Variants in JADE1 observed in about 807,000 individuals in gnomAD.
JADE1 encodes protein Jade-1.
In JADE1, 14 loss-of-function variants were observed where a neutral mutation model predicts 81.8. The ratio of observed to expected loss-of-function variants is 0.17; its 90% CI spans 0.11 to 0.27. The LOEUF is 0.27. Among genes scored for constraint, JADE1 ranks in the 10% least tolerant of loss-of-function variants. JADE1 has a pLI of 1.00. For missense variants in JADE1, 690 were observed against 1,047.9 expected (o/e 0.66, Z 4.71); for synonymous variants, 353 against 391.9 (o/e 0.90, Z 1.17).
intron 5 of JADE1, 31 bp from the exon 6 acceptor site, chr4:128,852,026 A>AAAATGGGT: frequency 7.1e-7 from 1 of 1,413,004 alleles, no homozygotes; most frequent in Non-Finnish European, 1.0e-6. Flanking sequence ...TGGATTTATT[A>AAAATGGGT]AAATGGGTTT....
At chr4:128,859,173 TGTGTGTGTGTATGCATGTGTGA>T (rs1731061083) in intron 8 of JADE1, among the ~76,000 whole-genome samples, 2 of 151,290 alleles carry the variant, frequency 1.3e-5, no homozygotes, top group Admixed American at 6.6e-5. Context: ...TGAACTTGAG[TGTGTGTGTGTATGCATGTGTGA>T]GTGTGTGTGT....
chr4:128,831,975 GTAACCAGATCT>G (rs1001335826), intron 2 of JADE1, among the ~76,000 whole-genome samples, 165 bp downstream of exon 2: 1 of 152,240 alleles, frequency 6.6e-6, no homozygotes, highest in African/African-American at 2.4e-5. Context: ...CTGCAGGTCT[GTAACCAGATCT>G]TACTGGGTAA....
intron 6 of JADE1, among the ~76,000 whole-genome samples, 160 bp from the exon 7 acceptor site, chr4:128,855,470 C>G (rs528459031): frequency 6.6e-6 from 1 of 152,236 alleles, no homozygotes; most frequent in Non-Finnish European, 1.5e-5. Context: ...GGGCATTTTC[C>G]CGAGGGGAGA....
At chr4:128,829,427 C>T (rs1312341744) in intron 1 of JADE1, among the ~76,000 whole-genome samples, 1 of 152,058 alleles carries the variant, frequency 6.6e-6, no homozygotes, top group Non-Finnish European at 1.5e-5. Context: ...AATTGATAAA[C>T]AAAAACTTTA....
At chr4:128,847,672 G>A (rs1729982555) in intron 4 of JADE1, among the ~76,000 whole-genome samples, 1 of 152,240 alleles carries the variant, frequency 6.6e-6, no homozygotes, top group Non-Finnish European at 1.5e-5. Flanking sequence ...ACAGAAGTGA[G>A]CATTAATACA....
At chr4:128,832,178 A>G (rs1330591678) in intron 2 of JADE1, among the ~76,000 whole-genome samples, 1 of 152,210 alleles carries the variant, frequency 6.6e-6, no homozygotes, top group Non-Finnish European at 1.5e-5. Flanking sequence ...TCAACTCAAT[A>G]CAAGGGGAGG....
At chr4:128,836,081 A>G (rs970478024) in intron 2 of JADE1, among the ~76,000 whole-genome samples, 1 of 152,192 alleles carries the variant, frequency 6.6e-6, no homozygotes, top group African/African-American at 2.4e-5. Context: ...GAGCATGGCC[A>G]AGGGAAACAA....
At chr4:128,854,431 C>G (rs567383051) in intron 6 of JADE1, among the ~76,000 whole-genome samples, 39 of 152,264 alleles carry the variant, frequency 2.6e-4, no homozygotes, top group African/African-American at 9.1e-4. Flanking sequence ...ATGTCTGATA[C>G]AGACCTTTAG....
intron 9 of JADE1, chr4:128,864,433 C>G: frequency 1.0e-6 from 1 of 985,192 alleles, no homozygotes; most frequent in Non-Finnish European, 1.2e-6. Context: ...CCACTGTACC[C>G]AGCCTTAGAC....
At chr4:128,822,028 C>T (rs574366126) in intron 1 of JADE1, among the ~76,000 whole-genome samples, 5 of 152,058 alleles carry the variant, frequency 3.3e-5, no homozygotes, top group African/African-American at 7.2e-5. Flanking sequence ...TTTTCTTCTG[C>T]ACCTTTGCAT....
At chr4:128,810,765 G>A (rs1726278777) in intron 1 of JADE1, among the ~76,000 whole-genome samples, 1 of 151,554 alleles carries the variant, frequency 6.6e-6, no homozygotes, top group South Asian at 2.1e-4. Context: ...GGACAGTTTG[G>A]CAATTAGATT....
At chr4:128,828,714 G>GTTGAA (rs1342665584) in intron 1 of JADE1, among the ~76,000 whole-genome samples, 1 of 152,212 alleles carries the variant, frequency 6.6e-6, no homozygotes, top group Non-Finnish European at 1.5e-5. Context: ...TTTAGTGACT[G>GTTGAA]TTGAAGTGCT....
chr4:128,819,286 T>TG (rs1560724399), intron 1 of JADE1, among the ~76,000 whole-genome samples: 4 of 133,234 alleles, frequency 3.0e-5, no homozygotes, highest in African/African-American at 8.1e-5. Context: ...GGTTTTTTTT[T>TG]TGGGGGGCAG....
intron 5 of JADE1, among the ~76,000 whole-genome samples, chr4:128,851,310 G>A (rs984403142): frequency 6.6e-6 from 1 of 152,142 alleles, no homozygotes; most frequent in African/African-American, 2.4e-5. Flanking sequence ...AAATATTTGA[G>A]TGCCCAAAGT....
intron 1 of JADE1, chr4:128,827,875 A>C (rs1205968730): frequency 3.0e-6 from 3 of 985,310 alleles, no homozygotes; most frequent in Non-Finnish European, 3.6e-6. Context: ...TGAAGATGCT[A>C]CCCAGAGTAA....
intron 1 of JADE1, among the ~76,000 whole-genome samples, chr4:128,830,981 C>T (rs1049423781): frequency 2.0e-5 from 3 of 152,212 alleles, no homozygotes; most frequent in East Asian, 1.9e-4. Flanking sequence ...GGATTTGGGT[C>T]TATTTGTCCT....
At position 128,831,507 on chromosome 4, in the gene JADE1, C is replaced by T. The variant is rs181303729; in HGVS notation, c.-26-226C>T. 372 of 528,714 alleles carry T rather than the reference C, an allele frequency of 7.0e-4. 1 individual carries two copies. The highest frequency in any genetic ancestry group is 6.4e-3 in the African/African-American group (335 of 51,992). The allele number at this position is 528,714 out of a possible 1,614,324, so 32.8% of individuals were successfully genotyped here. A position where few individuals can be genotyped will look rare whatever the true frequency, so the allele number is the denominator to read the frequency against. On this transcript the variant is annotated intron_variant, in intron 1 of 10. Coordinates refer to ENST00000226319, the MANE Select transcript of JADE1 (RefSeq NM_199320.4). ...AAGAAACCTGGCATCTTTGGGAGAC[C>T]TACTGATATGTGACTTCTCCACCCC...
Position 128,855,805 on chromosome 4 carries a change from TG to T in JADE1, c.864+10del, listed in dbSNP as rs752541010. On this transcript the variant is annotated intron_variant, in intron 7 of 10. Coordinates refer to ENST00000226319, the MANE Select transcript of JADE1 (RefSeq NM_199320.4). Reference sequence around the variant, plus strand: ...GCTCTGTGGATCCCTGAGGTACGTGTGGTTCTTTTTTTGTTGTTTTTACTTT... The same window carrying T: ...GCTCTGTGGATCCCTGAGGTACGTGTGTTCTTTTTTTGTTGTTTTTACTTT... 178 of 1,577,834 alleles carry T rather than the reference TG, an allele frequency of 1.1e-4. 1 individual carries two copies. The African/African-American group carries it at 2.1e-3, about 18-fold the overall frequency.
intron 1 of JADE1, among the ~76,000 whole-genome samples, chr4:128,817,359 A>G (rs1031449285): frequency 6.6e-6 from 1 of 152,080 alleles, no homozygotes; most frequent in South Asian, 2.1e-4. Flanking sequence ...TAAACTATTG[A>G]TCATTTAGTG....
Sources: allele counts gnomAD v4.1 joint callset (sites outside exome capture counted in the v4.1 genomes callset), GRCh38; gene constraint gnomAD v4.1.1; transcripts MANE v1.5; gene names NCBI Gene and HGNC (gene_info 2026-07-23, HGNC 2026-07-21).